The following NBR1 variants were observed in gnomAD, a reference collection of about 807,000 sequenced individuals.
The protein encoded by NBR1 is next to BRCA1 gene 1 protein.
In NBR1, 59 loss-of-function variants were observed where a neutral mutation model predicts 115.5. That is an observed-to-expected ratio of 0.51 (90% CI 0.41 to 0.63). The LOEUF (loss-of-function observed/expected upper bound fraction) is 0.63, where lower values mean the gene tolerates loss of function less well. NBR1 is among the 30% of genes least tolerant of loss of function. The probability of loss-of-function intolerance (pLI) is 0.00; values close to 1 mark genes in which losing one functional copy is unlikely to be tolerated. For synonymous variants in NBR1, 373 were observed against 414.7 expected (o/e 0.90, Z 1.22); for missense variants, 1,043 against 1,150.5 (o/e 0.91, Z 1.35).
intron 12 of NBR1, 25 bp downstream of exon 12, chr17:43,193,663 G>T: frequency 1.3e-6 from 2 of 1,583,954 alleles, no homozygotes; most frequent in Non-Finnish European, 1.7e-6. Context: ...ACAGGCTTTG[G>T]CCTAGTATCC....
At chr17:43,206,200 A>G (rs1448960375) in intron 20 of NBR1, among the ~76,000 whole-genome samples, 2 of 151,852 alleles carry the variant, frequency 1.3e-5, no homozygotes. Context: ...AGAAAAAGAA[A>G]AACAGACCAA....
intron 20 of NBR1, among the ~76,000 whole-genome samples, chr17:43,205,258 G>A (rs1401903431): frequency 2.0e-5 from 3 of 152,152 alleles, no homozygotes; most frequent in African/African-American, 7.2e-5. Context: ...GGAGGCTGAG[G>A]CAGGAGAATC....
At chr17:43,189,013 C>G in intron 6 of NBR1, 29 bp from the exon 7 acceptor site, 2 of 1,513,074 alleles carry the variant, frequency 1.3e-6, no homozygotes, top group Non-Finnish European at 1.8e-6. Context: ...AAAGTAACCT[C>G]TAACATCTCG....
rs2057229659 is a variant in NBR1, at chr17:43,202,648, C to T, written c.2564-7C>T. 6.4e-7 allele frequency: 1 copy of T among 1,567,556 alleles called. No homozygotes were observed. The highest frequency in any genetic ancestry group is 8.7e-7 in the Non-Finnish European group (1 of 1,154,768). On this transcript the variant is annotated splice_polypyrimidine_tract_variant and splice_region_variant and intron_variant, in intron 18 of 20. Transcript: ENST00000590996. ...CTGCATCTAACCAACAGCTCTTTTGCTTTTAGAGCCCAGAGGCTCATCAGG... is the reference window on the plus strand; with the variant it reads ...CTGCATCTAACCAACAGCTCTTTTGTTTTTAGAGCCCAGAGGCTCATCAGG...
intron 1 of NBR1, among the ~76,000 whole-genome samples, chr17:43,172,324 C>T (rs1386226602): frequency 1.3e-5 from 2 of 152,216 alleles, no homozygotes; most frequent in Non-Finnish European, 2.9e-5. Context: ...TCCAGCCAAG[C>T]TAGAATCTCC....
upstream of NBR1, chr17:43,170,745 G>A (rs927526290): frequency 6.6e-6 from 1 of 152,234 alleles, no homozygotes; most frequent in Non-Finnish European, 1.5e-5. Context: ...ATACCAAAGC[G>A]GGCACAATTC....
chr17:43,203,057 G>A (rs191952622), intron 19 of NBR1, among the ~76,000 whole-genome samples: 4 of 152,216 alleles, frequency 2.6e-5, no homozygotes, highest in African/African-American at 9.6e-5. Flanking sequence ...TCAGGAGGCT[G>A]AGGTGGGAGA....
At position 43,209,657 on chromosome 17, in the gene NBR1, G is replaced by C. The variant is rs371769079; in HGVS notation, c.2728-244G>C. Reference sequence around the variant, plus strand: ...TCCTGGTTCTAAGTACAGTTCATTAGCTCCCCGGTTTCCCTTTTCTCCTCC... The same window carrying C: ...TCCTGGTTCTAAGTACAGTTCATTACCTCCCCGGTTTCCCTTTTCTCCTCC... On this transcript the variant is annotated intron_variant, in intron 20 of 20. Transcript: ENST00000590996. The C allele has an allele frequency of 5.9e-6, 9 of 1,535,432 alleles. No homozygotes were observed. In the Admixed American group the frequency reaches 7.8e-5, roughly 13 times the overall value.
At chr17:43,202,945 CAGG>C (rs1453144592) in intron 19 of NBR1, among the ~76,000 whole-genome samples, 9 of 152,098 alleles carry the variant, frequency 5.9e-5, no homozygotes, top group Non-Finnish European at 1.3e-4. Context: ...ATCATGAGGT[CAGG>C]AGTTCAAGAT....
intron 20 of NBR1, among the ~76,000 whole-genome samples, chr17:43,208,468 G>A (rs1233898674): frequency 2.0e-5 from 3 of 152,196 alleles, no homozygotes; most frequent in Non-Finnish European, 1.5e-5. Flanking sequence ...TAACATGTTT[G>A]CATACTGTTC....
intron 5 of NBR1, among the ~76,000 whole-genome samples, chr17:43,181,120 G>T (rs916389021): frequency 6.6e-5 from 10 of 152,172 alleles, no homozygotes; most frequent in Non-Finnish European, 1.5e-4. Context: ...CAATCTGCTG[G>T]CCTTGGCCTC....
chr17:43,200,741 A>T (rs909689603), intron 17 of NBR1, 133 bp downstream of exon 17: 14 of 751,318 alleles, frequency 1.9e-5, no homozygotes, highest in African/African-American at 3.5e-5. Context: ...CTGAATTTAG[A>T]TGAATAAAAG....
rs1469456261 is a variant in NBR1 at position 43,210,069 on chromosome 17, T to G, written c.2896T>G (p.Tyr966Asp). 1 of 1,609,214 alleles carries G rather than the reference T, an allele frequency of 6.2e-7. No individual in the cohort carries two copies. The highest frequency in any genetic ancestry group is 1.7e-5 in the Admixed American group (1 of 58,958). Reference protein sequence around the residue: ...LNNNDWYSQRY With the variant: ...LNNNDWYSQRD ...CAACAACGACTGGTACAGCCAACGC[T>G]ATTGAGGAGTGACCTTGTATTAAAT... Residue 966 changes from tyrosine (Y) to aspartate (D), a missense_variant, in exon 21 of 21, where the codon TAT (tyrosine) becomes GAT (aspartate). Physicochemically the swap from Tyr to Asp is radical, Grantham distance 160. Transcript: ENST00000590996.
chr17:43,175,579 T>C (rs2056491814), intron 1 of NBR1, among the ~76,000 whole-genome samples: 1 of 152,226 alleles, frequency 6.6e-6, no homozygotes, highest in South Asian at 2.1e-4. Context: ...GGCATGGTTT[T>C]AGCCTATCTT....
chr17:43,202,195 A>AT (rs1197053828), intron 18 of NBR1, among the ~76,000 whole-genome samples: 1 of 150,708 alleles, frequency 6.6e-6, no homozygotes, highest in African/African-American at 2.4e-5. Flanking sequence ...AAAAAAAAAA[A>AT]AACTTGCCCT....
chr17:43,194,220 A>G, intron 12 of NBR1, 130 bp from the exon 13 acceptor site: 1 of 884,880 alleles, frequency 1.1e-6, no homozygotes. Context: ...ATAACTGTAA[A>G]AATATATCAA....
intron 16 of NBR1, 129 bp from the exon 17 acceptor site, chr17:43,200,038 C>T (rs759554138): frequency 1.4e-5 from 10 of 721,028 alleles, no homozygotes; most frequent in Non-Finnish European, 2.3e-5. Context: ...CCAGCCCTTC[C>T]CTTTAGTTCT....
intron 4 of NBR1, among the ~76,000 whole-genome samples, chr17:43,179,939 G>A (rs2056622005): frequency 6.6e-6 from 1 of 152,154 alleles, no homozygotes; most frequent in Non-Finnish European, 1.5e-5. Context: ...TTGAGATTTT[G>A]TAACTGGAAG....
At chr17:43,177,906 C>T in intron 2 of NBR1, 30 bp from the exon 3 acceptor site, 2 of 1,450,898 alleles carry the variant, frequency 1.4e-6, no homozygotes, top group Non-Finnish European at 1.9e-6. Flanking sequence ...TACATTATAA[C>T]CTGCCTTTAA....
Sources: gnomAD v4.1 joint callset for allele counts (sites outside exome capture counted in the v4.1 genomes callset) on GRCh38, gnomAD v4.1.1 for gene constraint, MANE v1.5 for transcripts, NCBI Gene and HGNC (gene_info 2026-07-23, HGNC 2026-07-21) for gene names.